TRIM44: variants seen among roughly 807,000 people sequenced by gnomAD.
TRIM44 encodes the protein tripartite motif-containing protein 44.
In TRIM44, 13 loss-of-function variants were observed where a neutral mutation model predicts 37.4. The observed-to-expected ratio is 0.35, with a 90% CI of 0.23 to 0.55. TRIM44 has a LOEUF of 0.55. Ranked by LOEUF, TRIM44 falls within the 20% of genes least tolerant of loss-of-function variation. The pLI, the probability that TRIM44 is intolerant of heterozygous loss-of-function variation, is 0.89. For synonymous variants in TRIM44, 175 were observed against 157.2 expected, an observed-to-expected ratio of 1.11 and a Z score of -0.85; for missense variants, 426 against 437.2, an observed-to-expected ratio of 0.97 and a Z score of 0.23.
intron 2 of TRIM44, among the ~76,000 whole-genome samples, chr11:35,719,835 T>C (rs1852079885): frequency 6.6e-6 from 1 of 152,192 alleles, no homozygotes; most frequent in Admixed American, 6.5e-5. Flanking sequence ...CCTTTGCTCC[T>C]TTGTCAAAGA....
intron 2 of TRIM44, among the ~76,000 whole-genome samples, chr11:35,714,910 C>A (rs1852019580): frequency 1.3e-5 from 2 of 152,242 alleles, no homozygotes; most frequent in East Asian, 1.9e-4. Context: ...TGTTACAAGT[C>A]CTGGGTGTCT....
At chr11:35,780,140 A>G (rs1590595832) in intron 4 of TRIM44, among the ~76,000 whole-genome samples, 1 of 151,938 alleles carries the variant, frequency 6.6e-6, no homozygotes, top group East Asian at 1.9e-4. Flanking sequence ...TTAAATTCTG[A>G]GGACCACAGA....
chr11:35,703,467 T>A (rs1353786792), intron 2 of TRIM44, among the ~76,000 whole-genome samples: 1 of 152,156 alleles, frequency 6.6e-6, no homozygotes, highest in Non-Finnish European at 1.5e-5. Flanking sequence ...CTCAAGTGGG[T>A]CCCTGACCCC....
At chr11:35,756,929 G>T (rs886921925) in intron 4 of TRIM44, among the ~76,000 whole-genome samples, 2 of 152,072 alleles carry the variant, frequency 1.3e-5, no homozygotes, top group African/African-American at 2.4e-5. Context: ...TGAGGATTTT[G>T]GCGTCGATGT....
At chr11:35,735,510 G>T in intron 4 of TRIM44, 65 bp downstream of exon 4, 1 of 1,523,438 alleles carries the variant, frequency 6.6e-7, no homozygotes, top group Non-Finnish European at 9.1e-7. Context: ...TGGCCTTTTA[G>T]TGCTCCATGA....
At chr11:35,725,393 G>A (rs1268838356) in intron 2 of TRIM44, among the ~76,000 whole-genome samples, 1 of 152,104 alleles carries the variant, frequency 6.6e-6, no homozygotes, top group Non-Finnish European at 1.5e-5. Context: ...GAGTGCAGTG[G>A]TGCGATCTGG....
At chr11:35,718,843 T>C (rs554270202) in intron 2 of TRIM44, among the ~76,000 whole-genome samples, 48 of 152,186 alleles carry the variant, frequency 3.2e-4, no homozygotes, top group African/African-American at 9.4e-4. Context: ...CATAGTAATA[T>C]ACACTTAAGA....
chr11:35,720,423 T>TC (rs1195157907), intron 2 of TRIM44, among the ~76,000 whole-genome samples: 1 of 151,444 alleles, frequency 6.6e-6, no homozygotes, highest in African/African-American at 2.4e-5. Flanking sequence ...TTTCTTTTTT[T>TC]TTTTTCCTTT....
intron 1 of TRIM44, among the ~76,000 whole-genome samples, chr11:35,675,906 G>T (rs1220418593): frequency 6.6e-6 from 1 of 152,034 alleles, no homozygotes; most frequent in Admixed American, 6.6e-5. Flanking sequence ...CAATACCCTG[G>T]CCTTATCTAG....
intron 1 of TRIM44, among the ~76,000 whole-genome samples, chr11:35,666,968 T>C (rs1443815330): frequency 6.6e-6 from 1 of 152,334 alleles, no homozygotes; most frequent in East Asian, 1.9e-4. Flanking sequence ...ATATCTGTTA[T>C]TTGTTTTTTC....
intron 1 of TRIM44, among the ~76,000 whole-genome samples, chr11:35,684,967 G>A (rs543512668): frequency 1.3e-5 from 2 of 152,190 alleles, no homozygotes; most frequent in East Asian, 1.9e-4. Context: ...CTTTTGTAGA[G>A]CTTCAGTGAA....
intron 1 of TRIM44, among the ~76,000 whole-genome samples, chr11:35,675,601 A>C (rs138068825): frequency 0.013 from 1,945 of 152,222 alleles, 45 homozygotes; most frequent in African/African-American, 0.044. Flanking sequence ...GGCTCACTGC[A>C]ACCTCCGCCT....
chr11:35,766,014 C>T (rs894620747), intron 4 of TRIM44, among the ~76,000 whole-genome samples: 58 of 152,204 alleles, frequency 3.8e-4, no homozygotes, highest in African/African-American at 1.4e-3. Context: ...CTGGTGGAGA[C>T]AGGAGTAGGA....
chr11:35,728,185 G>T (rs978803247), intron 3 of TRIM44, among the ~76,000 whole-genome samples: 13 of 152,148 alleles, frequency 8.5e-5, no homozygotes, highest in African/African-American at 3.1e-4. Flanking sequence ...AATTAGCTGG[G>T]TATGGTGGCG....
At chr11:35,691,480 C>G (rs1011496886) in intron 2 of TRIM44, among the ~76,000 whole-genome samples, 1 of 152,160 alleles carries the variant, frequency 6.6e-6, no homozygotes, top group African/African-American at 2.4e-5. Flanking sequence ...AATATTATGT[C>G]AAAAATGCAT....
intron 4 of TRIM44, among the ~76,000 whole-genome samples, chr11:35,755,826 G>A (rs1464336315): frequency 1.4e-4 from 22 of 152,062 alleles, no homozygotes; most frequent in Admixed American, 3.9e-4. Context: ...GATATGCGGC[G>A]TTATTTCTGA....
chr11:35,667,521 C>T (rs1851345467), intron 1 of TRIM44, among the ~76,000 whole-genome samples: 1 of 152,144 alleles, frequency 6.6e-6, no homozygotes, highest in African/African-American at 2.4e-5. Context: ...AGGTGTGCCA[C>T]CATGCCTGGC....
chr11:35,781,188 T>C (rs1278274938), intron 4 of TRIM44, among the ~76,000 whole-genome samples: 1 of 151,736 alleles, frequency 6.6e-6, no homozygotes, highest in Non-Finnish European at 1.5e-5. Flanking sequence ...ACATGGGGAA[T>C]GTTATAGGCA....
In TRIM44 at chr11:35,663,426, C is replaced by T. The variant is rs969964713; in HGVS notation, c.315C>T (p.Ser105=). Residue 105 remains serine (S), a synonymous_variant, in exon 1 of 5, where the codon AGC becomes AGT. Transcript: ENST00000299413. The stretch of plus-strand genomic sequence containing the variant: ...AAGAGAGTGAGTCGGAGGAAGAGAG[C>T]GAGTCAGAGGAAGAGAGCGAGACAG... ...AGEESESEEE[S]ESEEESETEE... 4 of 1,569,900 alleles carry T rather than the reference C, an allele frequency of 2.5e-6. No individual in the cohort carries two copies. The highest frequency in any genetic ancestry group is 2.7e-5 in the African/African-American group (2 of 73,750).
Sources: gnomAD v4.1 joint callset for allele counts (sites outside exome capture counted in the v4.1 genomes callset) on GRCh38, gnomAD v4.1.1 for gene constraint, MANE v1.5 for transcripts, NCBI Gene and HGNC (gene_info 2026-07-23, HGNC 2026-07-21) for gene names.